Variants in VPS13B observed in about 807,000 individuals in gnomAD.
VPS13B encodes the protein vacuolar protein sorting 13 homolog B.
Under a neutral mutation model 426.4 loss-of-function variants are expected in VPS13B, and 285 were observed. The ratio of observed to expected loss-of-function variants is 0.67; its 90% CI spans 0.61 to 0.74. The LOEUF (loss-of-function observed/expected upper bound fraction) is 0.74, where lower values mean the gene tolerates loss of function less well. Ranked by LOEUF, VPS13B falls within the 30% of genes least tolerant of loss-of-function variation. The pLI is 0.00. For synonymous variants in VPS13B, 1,676 were observed against 1,676.4 expected, an observed-to-expected ratio of 1.00 and a Z score of 0.01; for missense variants, 4,537 against 4,782.6, an observed-to-expected ratio of 0.95 and a Z score of 1.51.
At chr8:99,096,862 C>A (rs1056212168) in intron 4 of VPS13B, among the ~76,000 whole-genome samples, 12 of 152,002 alleles carry the variant, frequency 7.9e-5, no homozygotes, top group Non-Finnish European at 1.5e-4. Context: ...TGCTACATGA[C>A]TTCAGAACAA....
At chr8:99,399,425 G>A (rs969173765) in intron 21 of VPS13B, among the ~76,000 whole-genome samples, 21 of 152,204 alleles carry the variant, frequency 1.4e-4, no homozygotes, top group African/African-American at 5.1e-4. Context: ...GACTTCAACA[G>A]ATGCTAGATG....
At chr8:99,242,816 ATAGT>A (rs1817005645) in intron 17 of VPS13B, among the ~76,000 whole-genome samples, 1 of 152,186 alleles carries the variant, frequency 6.6e-6, no homozygotes, top group Non-Finnish European at 1.5e-5. Context: ...AAACTTGTAA[ATAGT>A]TTGTAATGCC....
intron 22 of VPS13B, among the ~76,000 whole-genome samples, chr8:99,434,768 C>A (rs1227452692): frequency 6.6e-6 from 1 of 152,084 alleles, no homozygotes; most frequent in Non-Finnish European, 1.5e-5. Context: ...GTGTAATTAA[C>A]TCTTAGCTTG....
At chr8:99,758,262 T>TA (rs1398723741) in intron 39 of VPS13B, among the ~76,000 whole-genome samples, 2 of 152,226 alleles carry the variant, frequency 1.3e-5, no homozygotes, top group Non-Finnish European at 2.9e-5. Context: ...TTTAGCTTAA[T>TA]TATGTCACCA....
intron 16 of VPS13B, among the ~76,000 whole-genome samples, chr8:99,192,359 C>T (rs889744081): frequency 1.3e-5 from 2 of 152,092 alleles, no homozygotes; most frequent in Non-Finnish European, 2.9e-5. Flanking sequence ...GATCAGGTTG[C>T]CTGGATTTAA....
At chr8:99,535,010 A>G (rs541089635) in intron 30 of VPS13B, among the ~76,000 whole-genome samples, 12 of 152,166 alleles carry the variant, frequency 7.9e-5, no homozygotes, top group Non-Finnish European at 1.8e-4. Flanking sequence ...CAATTTCAGA[A>G]TGATCCATTT....
chr8:99,866,632 A>C (rs1225531102), intron 58 of VPS13B, among the ~76,000 whole-genome samples: 2 of 152,228 alleles, frequency 1.3e-5, no homozygotes, highest in African/African-American at 4.8e-5. Context: ...CTCACCTGAT[A>C]CCTGCATGTG....
chr8:99,326,026 C>T (rs1810238977), intron 19 of VPS13B, among the ~76,000 whole-genome samples: 1 of 152,014 alleles, frequency 6.6e-6, no homozygotes, highest in Non-Finnish European at 1.5e-5. Context: ...TACTTACATA[C>T]CCTTGTAACC....
At chr8:99,866,116 G>A (rs1330681499) in intron 58 of VPS13B, among the ~76,000 whole-genome samples, 1 of 152,222 alleles carries the variant, frequency 6.6e-6, no homozygotes, top group Non-Finnish European at 1.5e-5. Flanking sequence ...ATCTCCATGT[G>A]GTCGCCCACC....
intron 19 of VPS13B, among the ~76,000 whole-genome samples, chr8:99,350,399 G>C (rs1217299329): frequency 6.6e-6 from 1 of 152,202 alleles, no homozygotes. Flanking sequence ...GCAGTGTGGA[G>C]AACTGGTATG....
At chr8:99,492,036 A>G (rs1156374702) in intron 25 of VPS13B, among the ~76,000 whole-genome samples, 1 of 151,916 alleles carries the variant, frequency 6.6e-6, no homozygotes, top group Non-Finnish European at 1.5e-5. Context: ...TGACCTACAG[A>G]TGGGGTTTTG....
intron 3 of VPS13B, among the ~76,000 whole-genome samples, chr8:99,087,076 G>C (rs1845855149): frequency 6.6e-6 from 1 of 152,182 alleles, no homozygotes; most frequent in Non-Finnish European, 1.5e-5. Context: ...GAGGCAGGCA[G>C]GCCTCCTTGA....
Position 99,264,775 on chromosome 8 carries a change from C to T in VPS13B, c.2516-9423C>T, listed in dbSNP as rs147951170. On this transcript the variant is annotated intron_variant, in intron 17 of 61. Coordinates refer to ENST00000357162, the MANE Select transcript of VPS13B (RefSeq NM_152564.5). ...TAGTAAACACTTTTAATTTGCAACT[C>T]CTTTTCTACAGTTTTGGAAATGCTC... Among the ~76,000 whole-genome samples the T allele has an allele frequency of 1.4e-4, 22 of 152,010 alleles. No homozygotes were observed. In the East Asian group the frequency reaches 4.3e-3, roughly 29 times the overall value.
At chr8:99,250,388 C>A (rs1817439740) in intron 17 of VPS13B, among the ~76,000 whole-genome samples, 1 of 151,926 alleles carries the variant, frequency 6.6e-6, no homozygotes, top group Non-Finnish European at 1.5e-5. Context: ...TTTTTTTCTT[C>A]TTATGGATTA....
chr8:99,050,079 A>G (rs1443060364), intron 3 of VPS13B, among the ~76,000 whole-genome samples: 1 of 151,804 alleles, frequency 6.6e-6, no homozygotes, highest in Non-Finnish European at 1.5e-5. Flanking sequence ...ACACGTGCAC[A>G]ACGTGCAGGT....
chr8:99,789,337 C>T (rs372285418), intron 43 of VPS13B, among the ~76,000 whole-genome samples: 7 of 152,034 alleles, frequency 4.6e-5, no homozygotes, highest in East Asian at 1.9e-4. Flanking sequence ...CTTAAAAAGC[C>T]GACTTGGGGG....
At chr8:99,793,369 A>T (rs186317182) in intron 43 of VPS13B, among the ~76,000 whole-genome samples, 8 of 151,176 alleles carry the variant, frequency 5.3e-5, no homozygotes, top group Non-Finnish European at 1.0e-4. Context: ...ATAAAGAGAA[A>T]ATTTTGAAAG....
chr8:99,654,902 T>C (rs746420770), intron 34 of VPS13B, among the ~76,000 whole-genome samples: 14 of 151,324 alleles, frequency 9.3e-5, no homozygotes, highest in Non-Finnish European at 1.6e-4. Context: ...TCTCAATGAA[T>C]TGGGACACAG....
At chr8:99,552,898 A>C (rs7837577) in intron 30 of VPS13B, among the ~76,000 whole-genome samples, 29,867 of 151,990 alleles carry the variant, frequency 0.2, 3,426 homozygotes, top group East Asian at 0.38. Context: ...ATAGTGCTCT[A>C]TGTAATTTTG....
Sources: gnomAD v4.1 joint callset for allele counts (sites outside exome capture counted in the v4.1 genomes callset) on GRCh38, gnomAD v4.1.1 for gene constraint, MANE v1.5 for transcripts, NCBI Gene and HGNC (gene_info 2026-07-23, HGNC 2026-07-21) for gene names.